ESRRG: variants seen among roughly 807,000 people sequenced by gnomAD.
ESRRG encodes the protein estrogen related receptor gamma.
Under a neutral mutation model 44.0 loss-of-function variants are expected in ESRRG, and 13 were observed. The ratio of observed to expected loss-of-function variants is 0.30; its 90% confidence interval spans 0.19 to 0.47. The LOEUF is 0.47. Ranked by LOEUF, ESRRG falls within the 20% of genes least tolerant of loss-of-function variation. ESRRG has a pLI of 1.00. For missense variants in ESRRG, 395 were observed against 580.6 expected (o/e 0.68, Z 3.29); for synonymous variants, 215 against 214.6 (o/e 1.00, Z -0.02).
In ESRRG at chr1:216,554,825, TTCA is replaced by T. The variant is rs200887329; in HGVS notation, c.862+9391_862+9393del. 7.4e-3 allele frequency among the ~76,000 whole-genome samples: 1,122 copies of T among 152,158 alleles called. 6 individuals carry two copies. Among genetic ancestry groups the T allele is most frequent in the African/African-American group, 0.026 (1,068 of 41,524 alleles). On this transcript the variant is annotated intron_variant, in intron 5 of 6. Transcript: ENST00000408911. ...CCCTTACTGTGATTAATAAGGAAAA[TTCA>T]TCATCAACAAGAAAGAGGGAAATGA...
chr1:216,886,108 T>A (rs2096514398), intron 2 of ESRRG, among the ~76,000 whole-genome samples: 1 of 152,206 alleles, frequency 6.6e-6, no homozygotes, highest in South Asian at 2.1e-4. Context: ...GTATGAATAA[T>A]CTCTGAGTAG....
intron 1 of ESRRG, among the ~76,000 whole-genome samples, chr1:217,032,124 T>C (rs1387301606): frequency 6.6e-6 from 1 of 152,204 alleles, no homozygotes; most frequent in Non-Finnish European, 1.5e-5. Context: ...TATGGTACTA[T>C]GTTATATAAA....
At chr1:216,570,585 A>G (rs1023464513) in intron 3 of ESRRG, among the ~76,000 whole-genome samples, 3 of 152,194 alleles carry the variant, frequency 2.0e-5, no homozygotes, top group Non-Finnish European at 2.9e-5. Flanking sequence ...TTTCATTATA[A>G]GAATTTTGAA....
At position 216,707,270 on chromosome 1, in the gene ESRRG, C is replaced by A; in HGVS notation, c.56+15974G>T. The A allele has an allele frequency of 2.1e-6, 3 of 1,415,702 alleles. No homozygotes were observed. The South Asian group carries it at 3.9e-5, about 19-fold the overall frequency. The allele number at this position is 1,415,702 out of a possible 1,614,324, so 87.7% of individuals were successfully genotyped here. A position where few individuals can be genotyped will look rare whatever the true frequency, so the allele number is the denominator to read the frequency against. On this transcript the variant is annotated intron_variant, in intron 1 of 6. Transcript: ENST00000408911. ...TTTTCATTAATCAGTCTAAAAAAAT[C>A]AAACCATATACAAGTAACGTTGAGC...
chr1:216,841,606 G>A (rs2095654251), intron 2 of ESRRG, among the ~76,000 whole-genome samples: 1 of 152,108 alleles, frequency 6.6e-6, no homozygotes, highest in Non-Finnish European at 1.5e-5. Flanking sequence ...GACAGTGGCA[G>A]GCCAGGTGAA....
chr1:216,983,741 CAA>C (rs1453489185), intron 1 of ESRRG, among the ~76,000 whole-genome samples: 3 of 150,348 alleles, frequency 2.0e-5, no homozygotes, highest in African/African-American at 4.9e-5. Context: ...GGATCTACTC[CAA>C]AAAGTCAGTA....
chr1:216,687,963 G>A (rs1485646958), intron 1 of ESRRG, among the ~76,000 whole-genome samples: 1 of 151,966 alleles, frequency 6.6e-6, no homozygotes, highest in African/African-American at 2.4e-5. Flanking sequence ...TTGGTAATTA[G>A]GTGTCTCAAA....
At chr1:216,559,967 T>C (rs1473793195) in intron 5 of ESRRG, among the ~76,000 whole-genome samples, 1 of 152,172 alleles carries the variant, frequency 6.6e-6, no homozygotes, top group Non-Finnish European at 1.5e-5. Flanking sequence ...GCTAGAAAAG[T>C]CTAAATACTT....
At chr1:216,917,705 A>T (rs1313626489) in intron 2 of ESRRG, among the ~76,000 whole-genome samples, 6 of 152,214 alleles carry the variant, frequency 3.9e-5, no homozygotes, top group African/African-American at 4.8e-5. Context: ...AGAACCTGGC[A>T]TTGTGTGTTT....
chr1:216,763,052 A>C (rs1013139091), intron 2 of ESRRG, among the ~76,000 whole-genome samples: 2 of 152,122 alleles, frequency 1.3e-5, no homozygotes, highest in African/African-American at 4.8e-5. Context: ...TAGGCTAAAA[A>C]ATCAACTAAA....
chr1:216,572,264 C>T (rs1272870326), intron 3 of ESRRG, among the ~76,000 whole-genome samples: 1 of 152,016 alleles, frequency 6.6e-6, no homozygotes, highest in African/African-American at 2.4e-5. Context: ...TATTTAGTTA[C>T]ACTGGGGGAA....
At chr1:216,589,391 T>G (rs1359407486) in intron 3 of ESRRG, among the ~76,000 whole-genome samples, 3 of 152,178 alleles carry the variant, frequency 2.0e-5, no homozygotes, top group Admixed American at 2.0e-4. Context: ...TTTTAGCTCA[T>G]TAGCTATCAT....
At chr1:216,525,487 G>A (rs7525187) in intron 5 of ESRRG, among the ~76,000 whole-genome samples, 15,527 of 150,540 alleles carry the variant, frequency 0.1, 1,748 homozygotes, top group African/African-American at 0.29. Flanking sequence ...AAATGTGGGG[G>A]GGCATGGAGG....
chr1:217,079,561 T>C (rs1457156771), intron 1 of ESRRG, among the ~76,000 whole-genome samples: 2 of 152,220 alleles, frequency 1.3e-5, no homozygotes, highest in Non-Finnish European at 2.9e-5. Flanking sequence ...TGGGCTCTGG[T>C]GCCAAGTAGA....
chr1:217,101,579 T>C lies in ESRRG; in HGVS notation c.-230+36088A>G, dbSNP rs541582010. ...GGTTCTAGCTCCTTGGCTCCTAGTCTTGGTTCAAAGTATCATCATCTGTAG... is the reference window on the plus strand; with the variant it reads ...GGTTCTAGCTCCTTGGCTCCTAGTCCTGGTTCAAAGTATCATCATCTGTAG... On this transcript the variant is annotated intron_variant, in intron 1 of 8. Transcript: ENST00000366940. Among the ~76,000 whole-genome samples the C allele has an allele frequency of 3.3e-5, 5 of 152,332 alleles. No individual in the cohort carries two copies. The South Asian group carries it at 1.0e-3, about 32-fold the overall frequency.
chr1:216,732,381 A>ATTTT (rs5780915), intron 2 of ESRRG, among the ~76,000 whole-genome samples: 4 of 145,472 alleles, frequency 2.7e-5, no homozygotes, highest in African/African-American at 7.6e-5. Context: ...GGATTTATTG[A>ATTTT]TTTTTTTTTT....
intron 5 of ESRRG, among the ~76,000 whole-genome samples, chr1:216,523,490 G>GTTTTTTTTTTTTTTTTTTTTTTTTT (rs749747909): frequency 7.9e-6 from 1 of 126,328 alleles, no homozygotes; most frequent in Non-Finnish European, 1.7e-5. Flanking sequence ...ATCAAGCACT[G>GTTTTTTTTTTTTTTTTTTTTTTTTT]TTTTTTTTTT....
chr1:216,821,773 TA>T (rs2095302268), intron 2 of ESRRG, among the ~76,000 whole-genome samples: 1 of 150,750 alleles, frequency 6.6e-6, no homozygotes, highest in South Asian at 2.1e-4. Flanking sequence ...TAAGAACATT[TA>T]AAAAATTTTA....
At chr1:216,834,975 G>T (rs529111693) in intron 2 of ESRRG, among the ~76,000 whole-genome samples, 2 of 152,198 alleles carry the variant, frequency 1.3e-5, no homozygotes, top group East Asian at 3.9e-4. Flanking sequence ...GATTACAAGC[G>T]GTTAAAAAAT....
Sources: gnomAD v4.1 joint callset for allele counts (sites outside exome capture counted in the v4.1 genomes callset) on GRCh38, gnomAD v4.1.1 for gene constraint, MANE v1.5 for transcripts, NCBI Gene and HGNC (gene_info 2026-07-23, HGNC 2026-07-21) for gene names.